PDE4C: variants seen among roughly 807,000 people sequenced by gnomAD.
PDE4C encodes the protein phosphodiesterase 4C.
A neutral mutation model predicts 63.9 loss-of-function variants in PDE4C; 50 were observed. The ratio of observed to expected loss-of-function variants is 0.78; its 90% confidence interval spans 0.62 to 0.99. PDE4C has a LOEUF of 0.99. Among genes scored for constraint, PDE4C ranks in the 50% least tolerant of loss-of-function variants. PDE4C has a pLI of 0.00. For missense variants in PDE4C, 777 were observed against 899.1 expected, an observed-to-expected ratio of 0.86 and a Z score of 1.74; for synonymous variants, 377 against 385.1, an observed-to-expected ratio of 0.98 and a Z score of 0.25.
upstream of PDE4C, among the ~76,000 whole-genome samples, chr19:18,229,640 A>T (rs1568263412): frequency 6.6e-6 from 1 of 151,874 alleles, no homozygotes; most frequent in East Asian, 1.9e-4. Context: ...CCCCAGAGAG[A>T]TTTTTTTAAA....
chr19:18,216,812 C>G (rs1367283206), exon 12 of PDE4C: 36 of 1,614,040 alleles, frequency 2.2e-5, no homozygotes, highest in Non-Finnish European at 2.9e-5. Flanking sequence ...TCGCAGTTCT[C>G]TGCCTGCAGC....
chr19:18,233,098 G>A (rs373849676), exon 1 of PDE4C: 38 of 1,569,412 alleles, frequency 2.4e-5, no homozygotes, highest in Non-Finnish European at 3.2e-5. Context: ...TGCCGCCACA[G>A]GTGCTTCGGG....
chr19:18,210,608 C>T, exon 15 of PDE4C: 1 of 253,264 alleles, frequency 3.9e-6, no homozygotes, highest in Non-Finnish European at 7.5e-6. Context: ...TCAAGAGTGA[C>T]CACTGGAGAG....
chr19:18,218,532 G>A, intron 9 of PDE4C, 34 bp from the exon 10 acceptor site: 1 of 1,612,058 alleles, frequency 6.2e-7, no homozygotes, highest in Non-Finnish European at 8.5e-7. Context: ...CAGGGCCTTG[G>A]CCTTGGGGCT....
In PDE4C at chr19:18,220,921, T is replaced by A. The variant is rs143206287; in HGVS notation, c.452A>T (p.Gln151Leu). 14 of 1,603,958 alleles carry A rather than the reference T, an allele frequency of 8.7e-6. No individual in the cohort carries two copies. Among genetic ancestry groups the A allele is most frequent in the African/African-American group, 6.7e-5 (5 of 74,884 alleles). The change falls in exon 5 of 15, where the codon CAG (glutamine) becomes CTG (leucine). Residue 151 changes from glutamine to leucine, a missense_variant and splice_region_variant. By Grantham distance (113) the Gln-to-Leu change is moderately radical (BLOSUM62 -2). Coordinates refer to ENST00000262805, the Ensembl canonical transcript of PDE4C. This position sits in a 1 kb window ranked among gnomAD's most constrained non-coding sequence, Gnocchi z 5.1. Reference sequence around the variant, plus strand: ...GGATGAAGGGTTTCCGACGGGTCCCTGCCTGCGGTACAGCAGCCTCAGGCG... The same window carrying A: ...GGATGAAGGGTTTCCGACGGGTCCCAGCCTGCGGTACAGCAGCCTCAGGCG...
intron 1 of PDE4C, among the ~76,000 whole-genome samples, chr19:18,246,657 G>A (rs1969140451): frequency 6.6e-6 from 1 of 152,094 alleles, no homozygotes; most frequent in African/African-American, 2.4e-5. Flanking sequence ...GCCAGGTATG[G>A]TGGTTCATGC....
chr19:18,249,389 C>G (rs1969197362), upstream of PDE4C, among the ~76,000 whole-genome samples: 1 of 152,090 alleles, frequency 6.6e-6, no homozygotes, highest in East Asian at 1.9e-4. Flanking sequence ...ATTCTCCTGC[C>G]TCAGCCTCCC....
chr19:18,245,763 C>T (rs10424581), intron 1 of PDE4C, among the ~76,000 whole-genome samples: 17,165 of 152,250 alleles, frequency 0.11, 1,245 homozygotes, highest in East Asian at 0.37. Context: ...TGGCACACAG[C>T]GGGTGCCCAT....
downstream of PDE4C, chr19:18,208,857 G>A (rs1967804949): frequency 6.6e-6 from 1 of 152,108 alleles, no homozygotes; most frequent in African/African-American, 2.4e-5. Flanking sequence ...CCTCTAGGGG[G>A]AGTCTGAGGC....
chr19:18,238,537 C>T (rs1486238891), upstream of PDE4C, among the ~76,000 whole-genome samples: 1 of 151,554 alleles, frequency 6.6e-6, no homozygotes, highest in Non-Finnish European at 1.5e-5. Flanking sequence ...TGCGCCCGGC[C>T]GAGACCCTGT....
upstream of PDE4C, among the ~76,000 whole-genome samples, chr19:18,236,043 C>T (rs1351114296): frequency 1.3e-5 from 2 of 151,206 alleles, no homozygotes; most frequent in Admixed American, 6.6e-5. Context: ...CCCGGGTTCA[C>T]GCCATTCTCC....
At chr19:18,221,324 A>C (rs1268854809) in intron 2 of PDE4C, 27 bp from the exon 3 acceptor site, 4 of 1,536,726 alleles carry the variant, frequency 2.6e-6, no homozygotes, top group Non-Finnish European at 3.5e-6. Flanking sequence ...CATCAGGGAG[A>C]GCTCTCTCCC....
At chr19:18,211,974 G>A (rs1220424491) in intron 13 of PDE4C, 33 bp from the exon 14 acceptor site, 40 of 1,603,976 alleles carry the variant, frequency 2.5e-5, no homozygotes, top group East Asian at 4.5e-5. Flanking sequence ...GGGCACTGGC[G>A]GGGCCCAGCC....
At chr19:18,231,469 G>T (rs1049318223), upstream of PDE4C, among the ~76,000 whole-genome samples, 1 of 152,144 alleles carries the variant, frequency 6.6e-6, no homozygotes, top group African/African-American at 2.4e-5. Flanking sequence ...GGGGCTCCTG[G>T]GTCACCTGAG....
intron 1 of PDE4C, among the ~76,000 whole-genome samples, chr19:18,244,909 C>T (rs1969105091): frequency 6.6e-6 from 1 of 151,910 alleles, no homozygotes; most frequent in Admixed American, 6.6e-5. Context: ...GATATTGTCT[C>T]ACTGCAACCT....
At chr19:18,225,227 G>A (rs1322942635) in intron 1 of PDE4C, among the ~76,000 whole-genome samples, 1 of 152,190 alleles carries the variant, frequency 6.6e-6, no homozygotes, top group Non-Finnish European at 1.5e-5. Context: ...ACTGAGCCAG[G>A]GAGGCTCGGA....
upstream of PDE4C, chr19:18,252,351 C>T (rs568908375): frequency 5.0e-6 from 2 of 399,092 alleles, no homozygotes; most frequent in South Asian, 1.3e-4. Context: ...TGTCTCCAAA[C>T]TCATGGTGCT....
chr19:18,248,877 T>A (rs1347625330), upstream of PDE4C, among the ~76,000 whole-genome samples: 2 of 150,352 alleles, frequency 1.3e-5, no homozygotes, highest in African/African-American at 4.9e-5. Flanking sequence ...ACAAAAAAAT[T>A]AGCTGAGTGT....
At chr19:18,225,111 A>G (rs1968669941) in intron 1 of PDE4C, among the ~76,000 whole-genome samples, 1 of 152,026 alleles carries the variant, frequency 6.6e-6, no homozygotes, top group South Asian at 2.1e-4. Context: ...CTCTAAACTT[A>G]GCCGGGAGCG....
Sources: gnomAD v4.1 joint callset for allele counts (sites outside exome capture counted in the v4.1 genomes callset) on GRCh38, gnomAD v4.1.1 for gene constraint, Gnocchi (gnomAD v3.1) non-coding constraint, MANE v1.5 for transcripts, NCBI Gene and HGNC (gene_info 2026-07-23, HGNC 2026-07-21) for gene names.